BMP7: variants seen among roughly 807,000 people sequenced by gnomAD.
BMP7 encodes osteogenic protein 1.
Under a neutral mutation model 41.2 loss-of-function variants are expected in BMP7, and 12 were observed. The observed-to-expected ratio is 0.29, with a 90% confidence interval of 0.19 to 0.47. BMP7 has a LOEUF of 0.47. Ranked by LOEUF, BMP7 falls within the 20% of genes least tolerant of loss-of-function variation. The probability of loss-of-function intolerance (pLI) is 0.99; values close to 1 mark genes in which losing one functional copy is unlikely to be tolerated. For synonymous variants in BMP7, 248 were observed against 250.0 expected (o/e 0.99, Z 0.07); for missense variants, 467 against 606.0 (o/e 0.77, Z 2.41).
intron 1 of BMP7, among the ~76,000 whole-genome samples, chr20:57,249,771 G>A (rs1391930540): frequency 6.6e-6 from 1 of 152,158 alleles, no homozygotes; most frequent in Non-Finnish European, 1.5e-5. Flanking sequence ...TCATGTTCAC[G>A]GATGAGCCTA....
intron 3 of BMP7, among the ~76,000 whole-genome samples, chr20:57,186,303 A>T (rs577943200): frequency 9.2e-5 from 14 of 152,308 alleles, no homozygotes; most frequent in African/African-American, 3.4e-4. Context: ...GGGGACACCA[A>T]CAGGGTATGG....
At position 57,261,007 on chromosome 20, in the gene BMP7, C is replaced by T. The variant is rs953621200; in HGVS notation, c.418+4698G>A. On this transcript the variant is annotated intron_variant, in intron 1 of 6. Coordinates refer to ENST00000395863, the MANE Select transcript of BMP7 (RefSeq NM_001719.3). This position sits in a 1 kb window ranked among gnomAD's most constrained non-coding sequence, Gnocchi z 4.1. ...GGGCACGCTGATTCTTGCAATGGGC[C>T]AAATATGACCTTACCAAATGAGGGA... Among the ~76,000 whole-genome samples, 2 of 152,140 alleles carry T rather than the reference C, an allele frequency of 1.3e-5. No individual in the cohort carries two copies. Among genetic ancestry groups the T allele is most frequent in the Non-Finnish European group, 2.9e-5 (2 of 68,030 alleles).
At chr20:57,196,182 G>A (rs1984487012) in intron 3 of BMP7, among the ~76,000 whole-genome samples, 1 of 152,174 alleles carries the variant, frequency 6.6e-6, no homozygotes. Flanking sequence ...GTGCTTCCAT[G>A]TCTGCAAGGA....
At chr20:57,254,098 C>T (rs1488699852) in intron 1 of BMP7, among the ~76,000 whole-genome samples, 1 of 128,548 alleles carries the variant, frequency 7.8e-6, no homozygotes, top group Admixed American at 9.9e-5. Flanking sequence ...TCTCGGCTTA[C>T]TGCAACCTCT....
intron 1 of BMP7, among the ~76,000 whole-genome samples, chr20:57,229,110 C>A (rs1345463626): frequency 6.6e-6 from 1 of 152,198 alleles, no homozygotes; most frequent in Non-Finnish European, 1.5e-5. Context: ...GAAGCGCCTG[C>A]TGACTACACC....
At chr20:57,236,821 T>G (rs908471683) in intron 1 of BMP7, among the ~76,000 whole-genome samples, 1 of 151,792 alleles carries the variant, frequency 6.6e-6, no homozygotes, top group African/African-American at 2.4e-5. Flanking sequence ...TGAAAGATAT[T>G]TGTATCCATG....
intron 1 of BMP7, among the ~76,000 whole-genome samples, chr20:57,234,252 T>C (rs1403284275): frequency 1.3e-5 from 2 of 152,216 alleles, no homozygotes; most frequent in Non-Finnish European, 2.9e-5. Context: ...AGGCCTTCTT[T>C]TATTTTTATT....
At position 57,261,654 on chromosome 20, in the gene BMP7, G is replaced by A. The variant is rs1158150083; in HGVS notation, c.418+4051C>T. On this transcript the variant is annotated intron_variant, in intron 1 of 6. Coordinates refer to ENST00000395863, the MANE Select transcript of BMP7 (RefSeq NM_001719.3). This position sits in a 1 kb window ranked among gnomAD's most constrained non-coding sequence, Gnocchi z 4.1. Reference sequence around the variant, plus strand: ...GAAAGAAAGAAGGGGGGAGCTGTGTGACATCTATATTAACCTTTGGCTGCT... The same window carrying A: ...GAAAGAAAGAAGGGGGGAGCTGTGTAACATCTATATTAACCTTTGGCTGCT... Among the ~76,000 whole-genome samples, 1 of 152,194 alleles carries A rather than the reference G, an allele frequency of 6.6e-6. No homozygotes were observed. The highest frequency in any genetic ancestry group is 2.4e-5 in the African/African-American group (1 of 41,450).
At chr20:57,220,505 C>G (rs574118365) in intron 2 of BMP7, among the ~76,000 whole-genome samples, 74 of 152,326 alleles carry the variant, frequency 4.9e-4, no homozygotes, top group Non-Finnish European at 7.9e-4. Context: ...TATAGGCGAG[C>G]AGAGGCCCAG....
rs775327441 is a variant in BMP7, at chr20:57,224,237, G to A, written c.611+3992C>T. On this transcript the variant is annotated intron_variant, in intron 2 of 6. Transcript: ENST00000395863. The surrounding 1 kb of genome is among the most constrained non-coding windows in gnomAD (Gnocchi z 4.8). ...GCAGCTGATCCAAATCTTGGCCCTCGAGACCACGCTGAGGTCACCCTCCTG... is the reference window on the plus strand; with the variant it reads ...GCAGCTGATCCAAATCTTGGCCCTCAAGACCACGCTGAGGTCACCCTCCTG... Among the ~76,000 whole-genome samples, 3 of 152,160 alleles carry A rather than the reference G, an allele frequency of 2.0e-5. No individual in the cohort carries two copies. The highest frequency in any genetic ancestry group is 4.4e-5 in the Non-Finnish European group (3 of 68,028).
chr20:57,211,799 A>G (rs1984891029), intron 2 of BMP7, among the ~76,000 whole-genome samples: 1 of 152,096 alleles, frequency 6.6e-6, no homozygotes, highest in African/African-American at 2.4e-5. Flanking sequence ...AAGGAAACAG[A>G]TCCTCCCCCA....
In BMP7 at chr20:57,202,479, C is replaced by T; in HGVS notation, c.756G>A (p.Leu252=). The T allele has an allele frequency of 6.3e-7, 1 of 1,597,834 alleles. No individual in the cohort carries two copies. Among genetic ancestry groups the T allele is most frequent in the Non-Finnish European group, 8.5e-7 (1 of 1,177,146 alleles). ...GGCAGTGGCCGGGGGACTCACCATCCAGCGTCTCCACCGAGAGCTGCAGGC... is the reference window on the plus strand; with the variant it reads ...GGCAGTGGCCGGGGGACTCACCATCTAGCGTCTCCACCGAGAGCTGCAGGC... ...NLGLQLSVET[L]DGQSINPKLA... The change falls in exon 3 of 7, where the codon CTG becomes CTA. Residue 252 remains leucine, a synonymous_variant. Transcript: ENST00000395863.
chr20:57,245,729 C>T (rs1310748609), intron 1 of BMP7, among the ~76,000 whole-genome samples: 1 of 150,830 alleles, frequency 6.6e-6, no homozygotes, highest in Non-Finnish European at 1.5e-5. Flanking sequence ...ACCTCCGCCT[C>T]CTGGGTTCAC....
intron 5 of BMP7, among the ~76,000 whole-genome samples, chr20:57,173,872 C>G (rs930091684): frequency 6.6e-6 from 1 of 152,214 alleles, no homozygotes; most frequent in Non-Finnish European, 1.5e-5. Flanking sequence ...ATAATGGCAT[C>G]ACCCATGCTG....
chr20:57,218,538 G>T (rs1396176942), intron 2 of BMP7, among the ~76,000 whole-genome samples: 5 of 151,766 alleles, frequency 3.3e-5, no homozygotes, highest in Non-Finnish European at 7.4e-5. Flanking sequence ...GCTGGTGTTT[G>T]GTGGTAGCTG....
chr20:57,206,338 T>C (rs1984731091), intron 2 of BMP7, among the ~76,000 whole-genome samples: 2 of 152,208 alleles, frequency 1.3e-5, no homozygotes, highest in Non-Finnish European at 1.5e-5. Flanking sequence ...GCCAGCCCTA[T>C]GAAATGATCA....
At chr20:57,181,371 C>G (rs1984075548) in intron 4 of BMP7, among the ~76,000 whole-genome samples, 1 of 151,936 alleles carries the variant, frequency 6.6e-6, no homozygotes, top group South Asian at 2.1e-4. Context: ...TGGCATCCAT[C>G]TATAGTCCCA....
intron 3 of BMP7, among the ~76,000 whole-genome samples, chr20:57,196,244 C>T (rs935225571): frequency 3.9e-5 from 6 of 152,120 alleles, no homozygotes; most frequent in African/African-American, 1.2e-4. Flanking sequence ...GCAGGCTTTG[C>T]GGGTAGAAGA....
intron 2 of BMP7, among the ~76,000 whole-genome samples, chr20:57,218,103 C>T (rs1053522920): frequency 7.9e-5 from 12 of 152,222 alleles, no homozygotes; most frequent in Admixed American, 2.6e-4. Flanking sequence ...ACACAGGGCC[C>T]GACACACAGA....
Sources: allele counts gnomAD v4.1 joint callset (sites outside exome capture counted in the v4.1 genomes callset), GRCh38; gene constraint gnomAD v4.1.1; non-coding constraint Gnocchi (gnomAD v3.1); transcripts MANE v1.5; gene names NCBI Gene and HGNC (gene_info 2026-07-23, HGNC 2026-07-21).